The following STOX2 variants were observed in gnomAD, a reference collection of about 807,000 sequenced individuals.
STOX2 encodes storkhead-box protein 2.
STOX2 carries 28 observed loss-of-function variants against 60.9 expected under a neutral mutation model. The ratio of observed to expected loss-of-function variants is 0.46; its 90% CI spans 0.34 to 0.63. STOX2 has a LOEUF of 0.63. Among genes scored for constraint, STOX2 ranks in the 30% least tolerant of loss-of-function variants. STOX2 has a pLI of 0.01. For missense variants in STOX2, 1,024 were observed against 1,187.7 expected (o/e 0.86, Z 2.03); for synonymous variants, 472 against 463.9 (o/e 1.02, Z -0.22).
intron 1 of STOX2, among the ~76,000 whole-genome samples, chr4:183,932,895 A>G (rs1178736393): frequency 6.6e-6 from 1 of 152,226 alleles, no homozygotes; most frequent in Non-Finnish European, 1.5e-5. Context: ...CATCTGAACA[A>G]TATTTATAGC....
intron 1 of STOX2, among the ~76,000 whole-genome samples, chr4:183,839,041 G>A (rs1342208731): frequency 6.7e-6 from 1 of 148,584 alleles, no homozygotes; most frequent in African/African-American, 2.6e-5. Context: ...ACACACACAG[G>A]TACACATGCA....
At position 184,018,962 on chromosome 4, in the gene STOX2, C is replaced by T. The variant is rs980047759; in HGVS notation, c.*1678C>T. Reference sequence around the variant, plus strand: ...AAATAAATCTAGAATATTTTCACCTCCAATTTCAGTAATTGGCATATGATT... The same window carrying T: ...AAATAAATCTAGAATATTTTCACCTTCAATTTCAGTAATTGGCATATGATT... On this transcript the variant is annotated 3_prime_UTR_variant, in exon 4 of 4. Transcript: ENST00000308497. The T allele has an allele frequency of 6.6e-6, 1 of 152,208 alleles. No homozygotes were observed. Among genetic ancestry groups the T allele is most frequent in the Non-Finnish European group, 1.5e-5 (1 of 68,042 alleles). The allele number at this position is 152,208 out of a possible 1,614,324, so 9.4% of individuals were successfully genotyped here.
intron 1 of STOX2, among the ~76,000 whole-genome samples, chr4:183,849,177 ATTGGAGC>A (rs1477809602): frequency 1.3e-5 from 2 of 152,192 alleles, no homozygotes; most frequent in Non-Finnish European, 2.9e-5. Flanking sequence ...AGTTACCAAA[ATTGGAGC>A]TTGGAAACAA....
Position 184,018,478 on chromosome 4 carries a change from C to A in STOX2, c.*1194C>A, listed in dbSNP as rs1165445763. On this transcript the variant is annotated 3_prime_UTR_variant, in exon 4 of 4. Transcript: ENST00000308497. ...AATATACATGTGCCCATGTAATAAA[C>A]AACAGAATGTGCTCATTCTGCTAGT... 6.6e-6 allele frequency: 1 copy of A among 152,070 alleles called. No individual in the cohort carries two copies. The highest frequency in any genetic ancestry group is 2.4e-5 in the African/African-American group (1 of 41,406). 9.4% of individuals were successfully genotyped at this position (152,070 alleles called of 1,614,324 possible).
chr4:183,947,251 T>A (rs1184702951), intron 1 of STOX2, among the ~76,000 whole-genome samples: 4 of 152,250 alleles, frequency 2.6e-5, no homozygotes, highest in Non-Finnish European at 2.9e-5. Context: ...ACTGTATTTT[T>A]AAAATTTCTA....
upstream of STOX2, among the ~76,000 whole-genome samples, chr4:183,903,574 C>T (rs928966502): frequency 1.3e-5 from 2 of 152,186 alleles, no homozygotes; most frequent in African/African-American, 2.4e-5. Flanking sequence ...GTATTCTAGA[C>T]AGTCAGCCAT....
chr4:183,898,279 G>A (rs959471343), intron 1 of STOX2, among the ~76,000 whole-genome samples: 3 of 152,114 alleles, frequency 2.0e-5, no homozygotes, highest in Admixed American at 6.5e-5. Context: ...GAAGCAGGGA[G>A]AGCAGTGAGA....
At chr4:183,813,361 T>C (rs10032832) in intron 1 of STOX2, among the ~76,000 whole-genome samples, 46,331 of 152,070 alleles carry the variant, frequency 0.3, 8,945 homozygotes, top group African/African-American at 0.56. Flanking sequence ...CCAGCTTGGG[T>C]GACAGAGTGA....
chr4:183,971,853 G>A (rs1560912347), intron 1 of STOX2, among the ~76,000 whole-genome samples: 2 of 152,202 alleles, frequency 1.3e-5, no homozygotes, highest in Non-Finnish European at 2.9e-5. Flanking sequence ...AAGAGGGAGC[G>A]TGTAGCTGAG....
intron 1 of STOX2, among the ~76,000 whole-genome samples, chr4:183,809,135 A>G (rs1324570502): frequency 6.6e-5 from 10 of 151,968 alleles, no homozygotes; most frequent in African/African-American, 2.4e-4. Flanking sequence ...AGGCTGGAGT[A>G]CAGTGGTGTG....
intron 3 of STOX2, chr4:184,014,651 C>T (rs954964872): frequency 6.6e-6 from 1 of 151,924 alleles, no homozygotes. Context: ...TCTCCTTTAA[C>T]TTTTTCATCA....
chr4:183,992,051 G>A (rs993329543), intron 1 of STOX2, among the ~76,000 whole-genome samples: 1 of 152,170 alleles, frequency 6.6e-6, no homozygotes, highest in African/African-American at 2.4e-5. Context: ...TTTCCTCTGT[G>A]TATCTGATCT....
rs75267363 is a variant in STOX2 at position 183,821,527 on chromosome 4, C to T, written c.364+23472C>T. Reference sequence around the variant, plus strand: ...ATGCGGGTGATCCCAACCCTTGCTGCGAAGGTCATTGCTCACAGCTCCCCA... The same window carrying T: ...ATGCGGGTGATCCCAACCCTTGCTGTGAAGGTCATTGCTCACAGCTCCCCA... On this transcript the variant is annotated intron_variant, in intron 1 of 2. Coordinates refer to the STOX2 transcript ENST00000513034. This position sits in a 1 kb window ranked among gnomAD's most constrained non-coding sequence, Gnocchi z 4.2. 0.014 allele frequency among the ~76,000 whole-genome samples: 2,116 copies of T among 152,324 alleles called. 37 individuals carry two copies. The highest frequency in any genetic ancestry group is 0.047 in the African/African-American group (1,964 of 41,572).
Position 183,867,965 on chromosome 4 carries a change from C to T in STOX2, c.364+69910C>T, listed in dbSNP as rs149804714. On this transcript the variant is annotated intron_variant, in intron 1 of 2. Transcript: ENST00000513034. ...AGAATTTTCCCTCTGCTTTTTTATTCCTGTAGTGTAAAATTTGCATAATAA... is the reference window on the plus strand; with the variant it reads ...AGAATTTTCCCTCTGCTTTTTTATTTCTGTAGTGTAAAATTTGCATAATAA... Among the ~76,000 whole-genome samples, 4 of 152,254 alleles carry T rather than the reference C, an allele frequency of 2.6e-5. No homozygotes were observed. In the East Asian group the frequency reaches 7.7e-4, roughly 29 times the overall value.
intron 1 of STOX2, among the ~76,000 whole-genome samples, chr4:183,801,983 G>A (rs1254474951): frequency 3.3e-5 from 5 of 152,180 alleles, no homozygotes; most frequent in Non-Finnish European, 7.3e-5. Context: ...GCTCTCCTTC[G>A]GTACACTTGC....
chr4:183,821,864 T>G lies in STOX2; in HGVS notation c.364+23809T>G, dbSNP rs2111111313. On this transcript the variant is annotated intron_variant, in intron 1 of 2. Coordinates refer to the STOX2 transcript ENST00000513034. The surrounding 1 kb of genome is among the most constrained non-coding windows in gnomAD (Gnocchi z 4.2). Reference sequence around the variant, plus strand: ...GTGAGTCTGTAGGGTGGGGTTCTAGTCACAGAGTTGGAGCTTAGGATCTAA... The same window carrying G: ...GTGAGTCTGTAGGGTGGGGTTCTAGGCACAGAGTTGGAGCTTAGGATCTAA... 6.6e-6 allele frequency among the ~76,000 whole-genome samples: 1 copy of G among 152,376 alleles called. No individual in the cohort carries two copies. Among genetic ancestry groups the G allele is most frequent in the East Asian group, 1.9e-4 (1 of 5,180 alleles).
At chr4:183,972,381 C>T (rs960650576) in intron 1 of STOX2, among the ~76,000 whole-genome samples, 1 of 152,160 alleles carries the variant, frequency 6.6e-6, no homozygotes, top group Non-Finnish European at 1.5e-5. Flanking sequence ...CTGGAAGGTA[C>T]TGGGGAGATC....
At chr4:183,887,178 C>A (rs576048714) in intron 1 of STOX2, among the ~76,000 whole-genome samples, 1 of 152,108 alleles carries the variant, frequency 6.6e-6, no homozygotes, top group South Asian at 2.1e-4. Flanking sequence ...GCAGGAGAAT[C>A]GCTTGAACCC....
intron 1 of STOX2, among the ~76,000 whole-genome samples, chr4:183,896,372 T>G (rs188805365): frequency 6.6e-6 from 1 of 152,300 alleles, no homozygotes; most frequent in East Asian, 1.9e-4. Flanking sequence ...AAACAAGATC[T>G]TACTCTGTTG....
Sources: gnomAD v4.1 joint callset for allele counts (sites outside exome capture counted in the v4.1 genomes callset) on GRCh38, gnomAD v4.1.1 for gene constraint, Gnocchi (gnomAD v3.1) non-coding constraint, MANE v1.5 for transcripts, NCBI Gene and HGNC (gene_info 2026-07-23, HGNC 2026-07-21) for gene names.